SETBP1: variants seen among roughly 807,000 people sequenced by gnomAD.
The protein encoded by SETBP1 is SET-binding protein.
Under a neutral mutation model 101.0 loss-of-function variants are expected in SETBP1, and 9 were observed. That is an observed-to-expected ratio of 0.09 (90% CI 0.05 to 0.16). SETBP1 has a LOEUF of 0.16. Among genes scored for constraint, SETBP1 ranks in the 10% least tolerant of loss-of-function variants. The pLI is 1.00. For synonymous variants in SETBP1, 818 were observed against 788.5 expected (o/e 1.04, Z -0.63); for missense variants, 1,858 against 2,033.8 (o/e 0.91, Z 1.66).
chr18:44,764,122 T>G (rs1200535752), intron 2 of SETBP1, among the ~76,000 whole-genome samples: 1 of 152,250 alleles, frequency 6.6e-6, no homozygotes, highest in Non-Finnish European at 1.5e-5. Flanking sequence ...CATTTCATTT[T>G]GTGCAAAAGT....
intron 2 of SETBP1, among the ~76,000 whole-genome samples, chr18:44,783,056 A>G (rs1002291893): frequency 3.3e-5 from 5 of 152,216 alleles, no homozygotes; most frequent in African/African-American, 1.2e-4. Context: ...GACTAGGCAC[A>G]TAACCCCAAA....
chr18:44,709,206 C>G (rs796259921), intron 2 of SETBP1, among the ~76,000 whole-genome samples: 2 of 152,186 alleles, frequency 1.3e-5, no homozygotes, highest in Admixed American at 6.5e-5. Context: ...TTGGACCCCC[C>G]CAAGGAAGGT....
intron 2 of SETBP1, among the ~76,000 whole-genome samples, chr18:44,857,656 C>T (rs769338650): frequency 1.3e-5 from 2 of 152,154 alleles, no homozygotes; most frequent in Non-Finnish European, 2.9e-5. Flanking sequence ...CTGTGTGTTA[C>T]ATTCATTTTG....
chr18:44,786,933 G>A (rs1174046473), intron 2 of SETBP1, among the ~76,000 whole-genome samples: 4 of 152,202 alleles, frequency 2.6e-5, no homozygotes, highest in Non-Finnish European at 4.4e-5. Context: ...GTAGCTTTCA[G>A]TTTCTGATCT....
intron 3 of SETBP1, among the ~76,000 whole-genome samples, chr18:44,894,956 T>TAAA (rs71297942): frequency 6.1e-5 from 8 of 132,074 alleles, no homozygotes; most frequent in Non-Finnish European, 1.1e-4. Flanking sequence ...CTGCAAAACT[T>TAAA]AAAAAAAAAA....
chr18:44,770,548 A>G (rs1166906570), intron 2 of SETBP1, among the ~76,000 whole-genome samples: 1 of 152,108 alleles, frequency 6.6e-6, no homozygotes, highest in Non-Finnish European at 1.5e-5. Flanking sequence ...CATCTATTGC[A>G]CTTGGATGTT....
At chr18:44,775,587 G>GT (rs929527247) in intron 2 of SETBP1, among the ~76,000 whole-genome samples, 3 of 150,012 alleles carry the variant, frequency 2.0e-5, no homozygotes, top group Admixed American at 6.6e-5. Flanking sequence ...TTTCTAATTT[G>GT]TTTTTTTTCT....
chr18:44,881,775 C>G (rs1266831110), intron 3 of SETBP1, among the ~76,000 whole-genome samples: 1 of 152,142 alleles, frequency 6.6e-6, no homozygotes, highest in Admixed American at 6.6e-5. Flanking sequence ...CCAGTGCCCC[C>G]GCCCCTCACT....
In SETBP1 at chr18:45,030,469, T is replaced by G. The variant is rs550425434; in HGVS notation, c.4001-8016T>G. On this transcript the variant is annotated intron_variant, in intron 4 of 5. Coordinates refer to ENST00000649279, the MANE Select transcript of SETBP1 (RefSeq NM_015559.3). ...TTCATCAAGGATATTGGTCTAAAATTCTCTTTTTTGGTTGTGTCTCTGCCA... is the reference window on the plus strand; with the variant it reads ...TTCATCAAGGATATTGGTCTAAAATGCTCTTTTTTGGTTGTGTCTCTGCCA... 3.0e-5 allele frequency among the ~76,000 whole-genome samples: 4 copies of G among 134,238 alleles called. No individual in the cohort carries two copies. The East Asian group carries it at 8.2e-4, about 28-fold the overall frequency. 88.1% of individuals were successfully genotyped at this position (134,238 alleles called of 152,430 possible). A position where few individuals can be genotyped will look rare whatever the true frequency, so the allele number is the denominator to read the frequency against.
intron 2 of SETBP1, among the ~76,000 whole-genome samples, chr18:44,809,404 C>T (rs1327352407): frequency 1.3e-5 from 2 of 152,158 alleles, no homozygotes; most frequent in Non-Finnish European, 2.9e-5. Context: ...CCAGTCTGGA[C>T]ATACATGTCT....
chr18:44,990,599 A>T (rs555170432), intron 4 of SETBP1, among the ~76,000 whole-genome samples: 3 of 89,468 alleles, frequency 3.4e-5, no homozygotes, highest in Admixed American at 1.2e-4. Flanking sequence ...CTCAAAAAAC[A>T]AACAAACAAA....
At chr18:44,808,747 C>T (rs752326951) in intron 2 of SETBP1, among the ~76,000 whole-genome samples, 2 of 152,082 alleles carry the variant, frequency 1.3e-5, no homozygotes, top group Non-Finnish European at 2.9e-5. Context: ...TCTTGCTGAC[C>T]CTAAGCATTT....
chr18:45,052,796 G>A (rs923530728), intron 5 of SETBP1, among the ~76,000 whole-genome samples: 3 of 152,108 alleles, frequency 2.0e-5, no homozygotes, highest in African/African-American at 4.8e-5. Flanking sequence ...AAAAATGATA[G>A]CATGGCTTTT....
chr18:45,032,126 C>T (rs10502849), intron 4 of SETBP1, among the ~76,000 whole-genome samples: 52,921 of 151,922 alleles, frequency 0.35, 9,652 homozygotes, highest in Middle Eastern at 0.43. Context: ...TGACTCTGTT[C>T]GGAAAGGACT....
chr18:44,702,604 G>A (rs2069135935), intron 2 of SETBP1, among the ~76,000 whole-genome samples: 1 of 152,108 alleles, frequency 6.6e-6, no homozygotes, highest in Non-Finnish European at 1.5e-5. Flanking sequence ...AGTTTTCATA[G>A]TTAGGAGTGA....
chr18:44,720,224 C>T (rs1225918602), intron 2 of SETBP1, among the ~76,000 whole-genome samples: 3 of 152,154 alleles, frequency 2.0e-5, no homozygotes, highest in African/African-American at 2.4e-5. Flanking sequence ...TCAGAGGTCA[C>T]CTCTTGAAAT....
intron 4 of SETBP1, among the ~76,000 whole-genome samples, chr18:45,014,025 G>A (rs78950194): frequency 0.048 from 6,460 of 133,580 alleles, 459 homozygotes; most frequent in African/African-American, 0.17. Context: ...AAGGATGTTC[G>A]GCAGAAAAAA....
intron 2 of SETBP1, among the ~76,000 whole-genome samples, chr18:44,790,381 A>C (rs1290745651): frequency 6.6e-6 from 1 of 152,206 alleles, no homozygotes; most frequent in African/African-American, 2.4e-5. Flanking sequence ...TCGTTTACAA[A>C]GATTTTGTTG....
intron 2 of SETBP1, among the ~76,000 whole-genome samples, chr18:44,745,745 T>C (rs2070227897): frequency 6.6e-6 from 1 of 152,084 alleles, no homozygotes; most frequent in Non-Finnish European, 1.5e-5. Context: ...ACTAGGGCCA[T>C]GGAGCCTTGG....
Sources: allele counts gnomAD v4.1 joint callset (sites outside exome capture counted in the v4.1 genomes callset), GRCh38; gene constraint gnomAD v4.1.1; transcripts MANE v1.5; gene names NCBI Gene and HGNC (gene_info 2026-07-23, HGNC 2026-07-21).